Variants in PCDHA8 observed in about 807,000 individuals in gnomAD.
The protein encoded by PCDHA8 is protocadherin alpha 8.
In PCDHA8, 53 loss-of-function variants were observed where a neutral mutation model predicts 61.8. That is an observed-to-expected ratio of 0.86 (90% confidence interval 0.69 to 1.08). The LOEUF is 1.08. PCDHA8 is among the 50% of genes least tolerant of loss of function. The probability of loss-of-function intolerance (pLI) is 0.00; values close to 1 mark genes in which losing one functional copy is unlikely to be tolerated. For missense variants in PCDHA8, 1,293 were observed against 1,245.0 expected (o/e 1.04, Z -0.58); for synonymous variants, 618 against 556.6 (o/e 1.11, Z -1.55).
chr5:141,004,528 C>T (rs2098169666), intron 3 of PCDHA8, among the ~76,000 whole-genome samples: 1 of 152,230 alleles, frequency 6.6e-6, no homozygotes, highest in Non-Finnish European at 1.5e-5. Flanking sequence ...CCAATACACA[C>T]AGCCATTAAT....
intron 1 of PCDHA8, among the ~76,000 whole-genome samples, chr5:140,922,557 CA>C (rs1214132732): frequency 3.2e-4 from 49 of 152,258 alleles, no homozygotes; most frequent in African/African-American, 1.1e-3. Context: ...GGAGAAAAGT[CA>C]GGATGACAAG....
At chr5:140,853,279 A>G (rs1197350918) in intron 1 of PCDHA8, 3 of 979,360 alleles carry the variant, frequency 3.1e-6, no homozygotes, top group Non-Finnish European at 3.7e-6. Flanking sequence ...CTCTCATCAT[A>G]TGCAAATTCT....
At chr5:140,923,971 A>G (rs557891257) in intron 1 of PCDHA8, among the ~76,000 whole-genome samples, 2 of 152,330 alleles carry the variant, frequency 1.3e-5, no homozygotes, top group East Asian at 3.9e-4. Flanking sequence ...ATACCCACAC[A>G]TACTATCCCT....
chr5:140,850,513 G>T lies in PCDHA8; in HGVS notation c.2394+6798G>T, dbSNP rs2150487190. The stretch of plus-strand genomic sequence containing the variant: ...GTGCTGGTGTCGCTGGTGGAGAGCG[G>T]CCAGGCGCCAAAGTCATCGTCGCGG... On this transcript the variant is annotated intron_variant, in intron 1 of 3. Transcript: ENST00000531613. The T allele has an allele frequency of 3.1e-6, 5 of 1,598,108 alleles. No homozygotes were observed. In the East Asian group the frequency reaches 1.1e-4, roughly 36 times the overall value.
At chr5:140,911,654 T>C (rs1554194855) in intron 1 of PCDHA8, among the ~76,000 whole-genome samples, 1 of 152,218 alleles carries the variant, frequency 6.6e-6, no homozygotes, top group Non-Finnish European at 1.5e-5. Flanking sequence ...ATAGAGTTAC[T>C]AAACTCCTTG....
At chr5:140,876,062 G>T in intron 1 of PCDHA8, 1 of 1,613,842 alleles carries the variant, frequency 6.2e-7, no homozygotes, top group Non-Finnish European at 8.5e-7. Context: ...TTAGTTCTTC[G>T]GAAGTTATTG....
chr5:140,914,473 G>A (rs1162580496), intron 1 of PCDHA8, among the ~76,000 whole-genome samples: 1 of 152,116 alleles, frequency 6.6e-6, no homozygotes, highest in Admixed American at 6.6e-5. Flanking sequence ...TATCTTCATA[G>A]GTGAAGTGTT....
intron 1 of PCDHA8, among the ~76,000 whole-genome samples, chr5:140,894,823 A>G (rs933081275): frequency 2.0e-5 from 3 of 152,080 alleles, no homozygotes; most frequent in Non-Finnish European, 2.9e-5. Context: ...AGATTTGCCC[A>G]TAATCCTTTT....
intron 1 of PCDHA8, among the ~76,000 whole-genome samples, chr5:140,978,436 G>A (rs190191755): frequency 6.6e-6 from 1 of 152,348 alleles, no homozygotes; most frequent in East Asian, 1.9e-4. Flanking sequence ...AGTTGCTGGT[G>A]TTATGACTGG....
intron 1 of PCDHA8, among the ~76,000 whole-genome samples, chr5:140,964,683 G>T (rs2095848322): frequency 6.6e-6 from 1 of 151,914 alleles, no homozygotes; most frequent in South Asian, 2.1e-4. Flanking sequence ...CACAATTTGT[G>T]CACTTGAGAG....
intron 3 of PCDHA8, among the ~76,000 whole-genome samples, chr5:141,002,755 T>A (rs894161079): frequency 1.3e-5 from 2 of 152,174 alleles, no homozygotes; most frequent in Non-Finnish European, 2.9e-5. Context: ...GACAACCCTG[T>A]GATGTAGACA....
intron 1 of PCDHA8, chr5:140,871,538 ATTATTTAAAATCCAGTTTTTT>A (rs2053161122): frequency 1.3e-5 from 20 of 1,507,314 alleles, no homozygotes; most frequent in Non-Finnish European, 1.8e-5. Context: ...TGTATGTGAA[ATTATTTAAAATCCAGTTTTTT>A]TTCACGGATT....
chr5:140,890,632 T>C (rs561301430), intron 1 of PCDHA8, among the ~76,000 whole-genome samples: 28 of 152,330 alleles, frequency 1.8e-4, no homozygotes, highest in African/African-American at 6.0e-4. Context: ...ATTAAGCATG[T>C]ATCCTTGATA....
chr5:140,923,665 C>T (rs369836298), intron 1 of PCDHA8, among the ~76,000 whole-genome samples: 77 of 152,288 alleles, frequency 5.1e-4, no homozygotes, highest in African/African-American at 1.6e-3. Flanking sequence ...TTTGGGATAT[C>T]GTTCTCTCTT....
chr5:140,873,497 T>C (rs1236825837), intron 1 of PCDHA8, among the ~76,000 whole-genome samples: 1 of 152,230 alleles, frequency 6.6e-6, no homozygotes, highest in Non-Finnish European at 1.5e-5. Context: ...TGCAAAGTTG[T>C]GTCTTTTATA....
At chr5:140,928,469 A>G in intron 1 of PCDHA8, 1 of 1,614,144 alleles carries the variant, frequency 6.2e-7, no homozygotes, top group Non-Finnish European at 8.5e-7. Context: ...TTCCAAGTAG[A>G]AGGCCGGGAT....
chr5:140,983,588 C>G (rs530448589), intron 3 of PCDHA8, among the ~76,000 whole-genome samples: 1 of 152,152 alleles, frequency 6.6e-6, no homozygotes, highest in African/African-American at 2.4e-5. Context: ...TACATCTATT[C>G]TACATATGAG....
chr5:140,906,382 G>A (rs1384682039), intron 1 of PCDHA8, among the ~76,000 whole-genome samples: 2 of 152,072 alleles, frequency 1.3e-5, no homozygotes, highest in Non-Finnish European at 2.9e-5. Context: ...ATTACATAAA[G>A]TTAACATTTA....
chr5:140,940,305 A>G (rs2092590184), intron 1 of PCDHA8, among the ~76,000 whole-genome samples: 1 of 152,126 alleles, frequency 6.6e-6, no homozygotes, highest in Non-Finnish European at 1.5e-5. Flanking sequence ...GTAATTTATT[A>G]TCTTTCTTCC....
Sources: allele counts gnomAD v4.1 joint callset (sites outside exome capture counted in the v4.1 genomes callset), GRCh38; gene constraint gnomAD v4.1.1; transcripts MANE v1.5; gene names NCBI Gene and HGNC (gene_info 2026-07-23, HGNC 2026-07-21).